Variants in RIN2 observed in about 807,000 individuals in gnomAD.
RIN2 encodes RAB5 interacting protein 2.
Under a neutral mutation model 78.0 loss-of-function variants are expected in RIN2, and 36 were observed. The observed-to-expected ratio is 0.46, with a 90% CI of 0.35 to 0.61. The LOEUF (loss-of-function observed/expected upper bound fraction) is 0.61, where lower values mean the gene tolerates loss of function less well. Among genes scored for constraint, RIN2 ranks in the 20% least tolerant of loss-of-function variants. The pLI is 0.00. For missense variants in RIN2, 1,087 were observed against 1,159.7 expected (o/e 0.94, Z 0.91); for synonymous variants, 466 against 466.8 (o/e 1.00, Z 0.02).
At chr20:19,864,878 C>T (rs2037453620) in intron 2 of RIN2, among the ~76,000 whole-genome samples, 2 of 152,160 alleles carry the variant, frequency 1.3e-5, no homozygotes. Flanking sequence ...TCTATTTGGG[C>T]ATTTTGGACC....
Position 19,996,632 on chromosome 20 carries a change from G to A in RIN2, c.2201-47G>A, listed in dbSNP as rs6136905. The A allele has an allele frequency of 0.097, 155,735 of 1,601,360 alleles. 9,263 individuals carry two copies. The highest frequency in any genetic ancestry group is 0.22 in the South Asian group (19,665 of 90,690). On this transcript the variant is annotated intron_variant, in intron 11 of 12. Coordinates refer to ENST00000255006, the MANE Select transcript of RIN2 (RefSeq NM_018993.4). ...GCTGGCATCCCCTGTTATCACCCGTGAGCGGAGGTTGGCACTGGGAGGACC... is the reference window on the plus strand; with the variant it reads ...GCTGGCATCCCCTGTTATCACCCGTAAGCGGAGGTTGGCACTGGGAGGACC...
chr20:19,875,582 C>G (rs1409531349), intron 2 of RIN2, among the ~76,000 whole-genome samples: 1 of 152,122 alleles, frequency 6.6e-6, no homozygotes, highest in Non-Finnish European at 1.5e-5. Flanking sequence ...CTATAGTGAG[C>G]TATGATTGTG....
rs749936407 is a variant in RIN2 at position 19,889,633 on chromosome 20, T to C, written c.32T>C (p.Leu11Pro). ...GCTTGGACCATGGGCGCCCGCGGTC[T>C]GGACAAGCGAGGAAGTTTCTTTAAG... The part of the protein sequence containing the change: MTAWTMGARG[L>P]DKRGSFFKLI... The change falls in exon 3 of 13, where the codon CTG (leucine) becomes CCG (proline). Residue 11 changes from leucine to proline, a missense_variant. Leu to Pro is a moderately conservative substitution (Grantham distance 98, BLOSUM62 -3). Around this residue, in one of 8 missense-constraint regions of RIN2, gnomAD observed 706 missense variants for 667.5 expected, o/e 1.06. Coordinates refer to ENST00000255006, the MANE Select transcript of RIN2 (RefSeq NM_018993.4). 21 of 1,535,182 alleles carry C rather than the reference T, an allele frequency of 1.4e-5. No homozygotes were observed. Among genetic ancestry groups the C allele is most frequent in the Non-Finnish European group, 1.8e-5 (20 of 1,138,808 alleles).
chr20:19,874,457 G>T (rs1483315444), intron 2 of RIN2, among the ~76,000 whole-genome samples: 1 of 152,128 alleles, frequency 6.6e-6, no homozygotes, highest in Non-Finnish European at 1.5e-5. Context: ...AATTGATTGT[G>T]GCTCAAAGAA....
chr20:19,956,261 A>C (rs1320678985), intron 4 of RIN2, among the ~76,000 whole-genome samples: 2 of 150,578 alleles, frequency 1.3e-5, no homozygotes, highest in Non-Finnish European at 3.0e-5. Flanking sequence ...CCATCTCAAA[A>C]AAAAAAAAAA....
At chr20:19,887,198 A>AT (rs2038238420) in intron 2 of RIN2, among the ~76,000 whole-genome samples, 2 of 141,490 alleles carry the variant, frequency 1.4e-5, no homozygotes, top group Non-Finnish European at 3.1e-5. Flanking sequence ...TTTTTTTTTA[A>AT]TTTTTTTTAG....
At chr20:19,951,030 G>A (rs1437500230) in intron 4 of RIN2, among the ~76,000 whole-genome samples, 2 of 152,004 alleles carry the variant, frequency 1.3e-5, no homozygotes, top group Admixed American at 6.6e-5. Flanking sequence ...GCTGGGACCA[G>A]AGGAACGCTC....
intron 2 of RIN2, among the ~76,000 whole-genome samples, chr20:19,818,632 T>C (rs1036092126): frequency 6.6e-6 from 1 of 150,986 alleles, no homozygotes; most frequent in African/African-American, 2.4e-5. Flanking sequence ...CTTGGGAGGC[T>C]GAGGCGGGAG....
At position 19,992,253 on chromosome 20, in the gene RIN2, C is replaced by T. The variant is rs370585277; in HGVS notation, c.2154C>T (p.Ile718=). 2.4e-5 allele frequency: 39 copies of T among 1,595,078 alleles called. No individual in the cohort carries two copies. Among genetic ancestry groups the T allele is most frequent in the Non-Finnish European group, 2.9e-5 (34 of 1,170,054 alleles). ...ACATGCTTGAATTGGACACTGAAAT[C>T]GAGTACATGATGGAGCTCCTAGACC... The part of the protein sequence containing the change: ...QCDMLELDTE[I]EYMMELLDPS... The change falls in exon 11 of 13, where the codon ATC becomes ATT. Residue 718 remains isoleucine, a synonymous_variant. Coordinates refer to ENST00000255006, the MANE Select transcript of RIN2 (RefSeq NM_018993.4).
chr20:19,916,580 G>A (rs760639425), intron 3 of RIN2, among the ~76,000 whole-genome samples: 22 of 152,344 alleles, frequency 1.4e-4, no homozygotes, highest in African/African-American at 2.2e-4. Context: ...CAGCCTGGGC[G>A]ACAGAGTGAG....
intron 2 of RIN2, among the ~76,000 whole-genome samples, chr20:19,815,191 C>G (rs2035726623): frequency 3.9e-5 from 6 of 152,114 alleles, no homozygotes; most frequent in Admixed American, 3.9e-4. Context: ...AACAATGAAT[C>G]CAACTTGCAC....
At chr20:19,795,647 T>C (rs1225101597) in intron 1 of RIN2, among the ~76,000 whole-genome samples, 1 of 152,078 alleles carries the variant, frequency 6.6e-6, no homozygotes, top group Non-Finnish European at 1.5e-5. Context: ...TGACAGCAAA[T>C]CCCCTTCTCT....
chr20:19,824,552 CA>C (rs2036027017), intron 2 of RIN2, among the ~76,000 whole-genome samples: 4 of 151,962 alleles, frequency 2.6e-5, no homozygotes, highest in Admixed American at 2.6e-4. Flanking sequence ...GGGCAGTTTG[CA>C]TTAGTAATTT....
chr20:19,932,462 A>G (rs1344671142), intron 3 of RIN2, among the ~76,000 whole-genome samples: 2 of 152,182 alleles, frequency 1.3e-5, no homozygotes, highest in African/African-American at 4.8e-5. Flanking sequence ...GCATTGTCAG[A>G]CTTTTTAAAA....
At chr20:19,822,560 ATTAC>A (rs1160903906) in intron 2 of RIN2, among the ~76,000 whole-genome samples, 5 of 152,144 alleles carry the variant, frequency 3.3e-5, no homozygotes, top group Non-Finnish European at 7.3e-5. Context: ...CGGTATTAGA[ATTAC>A]TTACAGCACT....
intron 2 of RIN2, among the ~76,000 whole-genome samples, chr20:19,827,977 A>G (rs1035110288): frequency 2.0e-5 from 3 of 152,070 alleles, no homozygotes; most frequent in Non-Finnish European, 2.9e-5. Flanking sequence ...TTTGGGGTAC[A>G]CTTAAGCCTC....
chr20:19,942,547 C>T (rs1279811382), intron 4 of RIN2, among the ~76,000 whole-genome samples: 1 of 152,072 alleles, frequency 6.6e-6, no homozygotes, highest in Admixed American at 6.5e-5. Flanking sequence ...TGACCCCGAC[C>T]CCACCCCCAC....
At chr20:19,928,620 G>C (rs117731965) in intron 3 of RIN2, among the ~76,000 whole-genome samples, 2,686 of 152,296 alleles carry the variant, frequency 0.018, 39 homozygotes, top group Middle Eastern at 0.041. Flanking sequence ...CAAAGGGCTG[G>C]GAAAGAACTT....
intron 9 of RIN2, among the ~76,000 whole-genome samples, chr20:19,980,725 C>T (rs2042424845): frequency 6.6e-6 from 1 of 152,188 alleles, no homozygotes; most frequent in South Asian, 2.1e-4. Context: ...CCCCTCCACT[C>T]CAGCCAAAAG....
Sources: gnomAD v4.1 joint callset for allele counts (sites outside exome capture counted in the v4.1 genomes callset) on GRCh38, gnomAD v4.1.1 for gene constraint, gnomAD v4.1.1 regional missense constraint, MANE v1.5 for transcripts, NCBI Gene and HGNC (gene_info 2026-07-23, HGNC 2026-07-21) for gene names.